The following MTOR variants were observed in gnomAD, a reference collection of about 807,000 sequenced individuals.
MTOR encodes the protein serine/threonine-protein kinase mTOR.
Under a neutral mutation model 319.8 loss-of-function variants are expected in MTOR, and 70 were observed. The observed-to-expected ratio is 0.22, with a 90% CI of 0.18 to 0.27. The LOEUF (loss-of-function observed/expected upper bound fraction) is 0.27, where lower values mean the gene tolerates loss of function less well. MTOR is among the 10% of genes least tolerant of loss of function. MTOR has a pLI of 1.00. For synonymous variants in MTOR, 1,183 were observed against 1,211.4 expected, an observed-to-expected ratio of 0.98 and a Z score of 0.49; for missense variants, 1,890 against 3,274.4, an observed-to-expected ratio of 0.58 and a Z score of 10.32.
At chr1:11,220,116 T>C (rs1019264640) in intron 19 of MTOR, among the ~76,000 whole-genome samples, 1 of 143,000 alleles carries the variant, frequency 7.0e-6, no homozygotes, top group African/African-American at 2.6e-5. Flanking sequence ...AGATAATAGA[T>C]GAGAATTTCT....
intron 30 of MTOR, among the ~76,000 whole-genome samples, chr1:11,155,928 T>C (rs941096617): frequency 6.6e-6 from 1 of 152,162 alleles, no homozygotes; most frequent in African/African-American, 2.4e-5. Context: ...CCAGAGAAAG[T>C]AGGGATAACC....
chr1:11,167,360 A>C, intron 29 of MTOR, 82 bp downstream of exon 29: 1 of 1,072,004 alleles, frequency 9.3e-7, no homozygotes, highest in Non-Finnish European at 1.4e-6. Flanking sequence ...AGAAAAGGAA[A>C]GTAACTTTCT....
chr1:11,233,784 C>T (rs1275203358), intron 14 of MTOR, among the ~76,000 whole-genome samples: 3 of 152,184 alleles, frequency 2.0e-5, no homozygotes, highest in African/African-American at 7.2e-5. Flanking sequence ...AAGGACTTCA[C>T]GTGACTCTAA....
At chr1:11,202,507 C>T (rs1226442948) in intron 26 of MTOR, among the ~76,000 whole-genome samples, 1 of 149,860 alleles carries the variant, frequency 6.7e-6, no homozygotes, top group African/African-American at 2.5e-5. Flanking sequence ...CTGATAGGTA[C>T]GATGTACACT....
rs1647050769 is a variant in MTOR, at chr1:11,232,443, T to C, written c.2507A>G (p.Lys836Arg). ...DMLQDSSLLA[K>R]RQVALWTLGQ... ...GGAAGCAGTAATACTCACCTGCCTT[T>C]TGGCCAACAAAGAGGAATCCTGGAG... The change falls in exon 16 of 58, where the codon AAA (lysine) becomes AGA (arginine). Residue 836 changes from lysine (K) to arginine (R), a missense_variant. Coordinates refer to ENST00000361445, the MANE Select transcript of MTOR (RefSeq NM_004958.4). 1 of 1,613,622 alleles carries C rather than the reference T, an allele frequency of 6.2e-7. No individual in the cohort carries two copies. Among genetic ancestry groups the C allele is most frequent in the Non-Finnish European group, 8.5e-7 (1 of 1,179,608 alleles).
intron 15 of MTOR, 42 bp downstream of exon 15, chr1:11,233,356 T>A: frequency 6.4e-7 from 1 of 1,568,662 alleles, no homozygotes; most frequent in South Asian, 1.1e-5. Flanking sequence ...TAGTTTCTTT[T>A]CCACCCTATC....
At chr1:11,145,992 CAG>C (rs1438664431) in intron 32 of MTOR, among the ~76,000 whole-genome samples, 2 of 152,186 alleles carry the variant, frequency 1.3e-5, no homozygotes, top group African/African-American at 4.8e-5. Flanking sequence ...GTGTCTCTGA[CAG>C]AGACAACCAA....
rs144447811 is a variant in MTOR, at chr1:11,130,281, C to T, written c.5613+248G>A. 6.8e-3 allele frequency among the ~76,000 whole-genome samples: 1,036 copies of T among 152,370 alleles called. 17 individuals carry two copies. The highest frequency in any genetic ancestry group is 0.023 in the African/African-American group (969 of 41,592). On this transcript the variant is annotated intron_variant, in intron 39 of 57. Coordinates refer to ENST00000361445, the MANE Select transcript of MTOR (RefSeq NM_004958.4). ...ACAGGTGCAGCACGTAGAGAATGAG[C>T]TCGTCCACAGGGAAGCTTGACAAGG...
chr1:11,114,581 C>T, intron 52 of MTOR, 128 bp from the exon 53 acceptor site: 1 of 1,362,500 alleles, frequency 7.3e-7, no homozygotes, highest in Non-Finnish European at 1.0e-6. Flanking sequence ...GTGAGAATGT[C>T]TTAGGAGAAG....
intron 6 of MTOR, among the ~76,000 whole-genome samples, chr1:11,249,053 G>A (rs867367961): frequency 2.0e-5 from 3 of 152,022 alleles, no homozygotes; most frequent in African/African-American, 7.2e-5. Context: ...GTGAAAACCC[G>A]TTTCTACTAA....
chr1:11,252,508 T>C (rs372946976), intron 6 of MTOR, among the ~76,000 whole-genome samples: 4 of 152,200 alleles, frequency 2.6e-5, no homozygotes, highest in South Asian at 4.1e-4. Flanking sequence ...CAACATCATA[T>C]AGAAACCGCA....
At chr1:11,154,067 T>TCAAAAA in intron 30 of MTOR, among the ~76,000 whole-genome samples, 1 of 16,850 alleles carries the variant, frequency 5.9e-5, no homozygotes, top group Non-Finnish European at 9.1e-5. Flanking sequence ...AGACTCTGTC[T>TCAAAAA]CAAAAAAAAA....
At chr1:11,177,942 T>C (rs892468008) in intron 28 of MTOR, among the ~76,000 whole-genome samples, 4 of 152,142 alleles carry the variant, frequency 2.6e-5, no homozygotes, top group African/African-American at 9.7e-5. Flanking sequence ...GCATATTTTA[T>C]ACATACTGGT....
intron 56 of MTOR, among the ~76,000 whole-genome samples, chr1:11,108,712 CAAAAA>C (rs758531091): frequency 4.0e-5 from 2 of 49,600 alleles, no homozygotes; most frequent in Non-Finnish European, 4.4e-5. Flanking sequence ...GACCCTGTCT[CAAAAA>C]AAAAAAAAAA....
At chr1:11,119,141 A>C (rs1393978719) in intron 49 of MTOR, among the ~76,000 whole-genome samples, 2 of 152,116 alleles carry the variant, frequency 1.3e-5, no homozygotes, top group Non-Finnish European at 2.9e-5. Context: ...TATAAAACCA[A>C]AGGAAGAGGC....
At chr1:11,132,884 A>C in intron 38 of MTOR, 196 bp downstream of exon 38, 3 of 576,318 alleles carry the variant, frequency 5.2e-6, no homozygotes, top group South Asian at 2.2e-5. Flanking sequence ...TTTCTCCAAT[A>C]ATCTTTCTGT....
In MTOR at chr1:11,134,422, C is replaced by T. The variant is rs2100452019; in HGVS notation, c.5175G>A (p.Gln1725=). Residue 1725 remains glutamine (Q), a synonymous_variant, in exon 37 of 58, where the codon CAG becomes CAA. Coordinates refer to ENST00000361445, the MANE Select transcript of MTOR (RefSeq NM_004958.4). ...TAGCGATGGCATGCTGGGCCTGTTGCTGCATGGTCTGGACAAAATGCTGCA... is the reference window on the plus strand; with the variant it reads ...TAGCGATGGCATGCTGGGCCTGTTGTTGCATGGTCTGGACAAAATGCTGCA... The part of the protein sequence containing the change: ...QHMQHFVQTM[Q]QQAQHAIATE... 6.2e-7 allele frequency: 1 copy of T among 1,614,206 alleles called. No homozygotes were observed. Among genetic ancestry groups the T allele is most frequent in the Middle Eastern group, 1.6e-4 (1 of 6,062 alleles).
Position 11,235,062 on chromosome 1 carries a change from T to C in MTOR, c.2209-797A>G, listed in dbSNP as rs370765459. On this transcript the variant is annotated intron_variant, in intron 13 of 57. Coordinates refer to ENST00000361445, the MANE Select transcript of MTOR (RefSeq NM_004958.4). Reference sequence around the variant, plus strand: ...TTAGGTTACTGACTTAATAACCCGATTTTTCTGGATTCCCCTGGCAGCCTG... The same window carrying C: ...TTAGGTTACTGACTTAATAACCCGACTTTTCTGGATTCCCCTGGCAGCCTG... Among the ~76,000 whole-genome samples, 9 of 152,134 alleles carry C rather than the reference T, an allele frequency of 5.9e-5. No individual in the cohort carries two copies. The East Asian group carries it at 1.5e-3, about 26-fold the overall frequency.
At chr1:11,134,218 G>T in intron 37 of MTOR, 133 bp downstream of exon 37, 1 of 733,170 alleles carries the variant, frequency 1.4e-6, no homozygotes. Context: ...GGTTGCCTGG[G>T]ATCCCTACTG....
Sources: allele counts gnomAD v4.1 joint callset (sites outside exome capture counted in the v4.1 genomes callset), GRCh38; gene constraint gnomAD v4.1.1; transcripts MANE v1.5; gene names NCBI Gene and HGNC (gene_info 2026-07-23, HGNC 2026-07-21).